The following OTOF variants were observed in gnomAD, a reference collection of about 807,000 sequenced individuals.
OTOF encodes otoferlin.
Under a neutral mutation model 236.8 loss-of-function variants are expected in OTOF, and 218 were observed. The ratio of observed to expected loss-of-function variants is 0.92; its 90% CI spans 0.82 to 1.03. OTOF has a LOEUF of 1.03. Among genes scored for constraint, OTOF ranks in the 50% least tolerant of loss-of-function variants. OTOF has a pLI of 0.00. For missense variants in OTOF, 2,590 were observed against 2,694.4 expected (o/e 0.96, Z 0.86); for synonymous variants, 1,041 against 1,072.5 (o/e 0.97, Z 0.57).
At chr2:26,548,617 G>T (rs905814493) in intron 1 of OTOF, among the ~76,000 whole-genome samples, 1 of 152,158 alleles carries the variant, frequency 6.6e-6, no homozygotes, top group Non-Finnish European at 1.5e-5. Context: ...ATACAACAGT[G>T]GTCCCATAAG....
chr2:26,463,430 G>C, intron 41 of OTOF, 53 bp downstream of exon 41: 1 of 1,424,550 alleles, frequency 7.0e-7, no homozygotes. Flanking sequence ...GCCGTGGTGG[G>C]AAGTGGGTGG....
At chr2:26,519,158 G>A (rs1483497860) in intron 3 of OTOF, 49 bp from the exon 4 acceptor site, 1 of 1,248,848 alleles carries the variant, frequency 8.0e-7, no homozygotes, top group Admixed American at 1.9e-5. Flanking sequence ...AGACCAGGGT[G>A]AGGAGCAAGA....
intron 5 of OTOF, among the ~76,000 whole-genome samples, chr2:26,512,542 G>A (rs915684557): frequency 3.0e-4 from 46 of 152,326 alleles, no homozygotes; most frequent in African/African-American, 1.1e-3. Flanking sequence ...AGAGTGGAGC[G>A]CCCATGAGGT....
At chr2:26,497,301 A>G (rs1423076150) in intron 8 of OTOF, among the ~76,000 whole-genome samples, 1 of 151,974 alleles carries the variant, frequency 6.6e-6, no homozygotes, top group Non-Finnish European at 1.5e-5. Flanking sequence ...AGGTTTCACC[A>G]TGTTGGCCGG....
intron 34 of OTOF, 31 bp from the exon 35 acceptor site, chr2:26,467,264 T>C (rs752130756): frequency 3.0e-5 from 48 of 1,613,946 alleles, no homozygotes; most frequent in Non-Finnish European, 3.7e-5. Context: ...AGGGGGCGGC[T>C]GCCTGGTCTC....
chr2:26,537,930 G>A (rs1188623343), intron 1 of OTOF, among the ~76,000 whole-genome samples, 156 bp from the exon 2 acceptor site: 1 of 152,204 alleles, frequency 6.6e-6, no homozygotes, highest in Non-Finnish European at 1.5e-5. Context: ...GGTGAGGCCA[G>A]TCCCCATGCG....
chr2:26,541,227 G>A (rs1461455042), intron 1 of OTOF, among the ~76,000 whole-genome samples: 6 of 152,142 alleles, frequency 3.9e-5, no homozygotes, highest in South Asian at 2.1e-4. Flanking sequence ...AGGAAACACC[G>A]AGGATCAAAC....
intron 1 of OTOF, among the ~76,000 whole-genome samples, chr2:26,541,887 A>C (rs1039645607): frequency 2.0e-5 from 3 of 152,202 alleles, no homozygotes; most frequent in African/African-American, 7.2e-5. Flanking sequence ...GGGGAAATAG[A>C]ACAGCATCCT....
At chr2:26,480,181 C>T (rs762490517) in intron 16 of OTOF, 22 bp downstream of exon 16, 3 of 1,457,212 alleles carry the variant, frequency 2.1e-6, no homozygotes, top group South Asian at 2.3e-5. Flanking sequence ...AGGCCCGAAG[C>T]CCCCGTGGGC....
rs778803978 is a variant in OTOF, at chr2:26,464,906, G to T, written c.4923C>A (p.Arg1641=). Residue 1641 remains arginine (R), a synonymous_variant, in exon 39 of 47, where the codon CGC becomes CGA. Transcript: ENST00000272371. ...GPPGRVKVAN[R]VFTGPSEIED... ...CAATCTCAGAGGGCCCAGTGAAGAC[G>T]CGGTTGGCCACCTTCACTCTCCCAG... The T allele has an allele frequency of 6.3e-7, 1 of 1,597,954 alleles. No homozygotes were observed. The highest frequency in any genetic ancestry group is 1.4e-5 in the African/African-American group (1 of 73,774).
intron 5 of OTOF, among the ~76,000 whole-genome samples, chr2:26,505,181 T>C (rs558599603): frequency 2.6e-5 from 4 of 152,270 alleles, no homozygotes; most frequent in African/African-American, 9.6e-5. Context: ...GAGGGAGCAA[T>C]TGAGAATCAC....
intron 11 of OTOF, 101 bp downstream of exon 11, chr2:26,489,110 G>C (rs1355173549): frequency 2.0e-5 from 17 of 851,434 alleles, no homozygotes; most frequent in Non-Finnish European, 3.3e-5. Context: ...TGTGGTCCTT[G>C]CCAGCCTTTT....
At chr2:26,540,623 A>G (rs999241632) in intron 1 of OTOF, among the ~76,000 whole-genome samples, 3 of 152,082 alleles carry the variant, frequency 2.0e-5, no homozygotes, top group Non-Finnish European at 4.4e-5. Context: ...GTCCTAGTTC[A>G]ATGCAGAGCT....
rs1664437182 is a variant in OTOF at position 26,460,970 on chromosome 2, G to C, written c.5594C>G (p.Thr1865Ser). Residue 1865 changes from threonine to serine, a missense_variant, in exon 44 of 47, where the codon ACC becomes AGC. By Grantham distance (58) the Thr-to-Ser change is moderately conservative. Transcript: ENST00000272371. The surrounding 1 kb of genome is among the most constrained non-coding windows in gnomAD (Gnocchi z 5.3). ...CACCTCCCCGGTGGCCATCTCCATGGTGCACTGCTTGGCTGTCTTTGCGCC... is the reference window on the plus strand; with the variant it reads ...CACCTCCCCGGTGGCCATCTCCATGCTGCACTGCTTGGCTGTCTTTGCGCC... ...PRGAKTAKQC[T>S]MEMATGEVDV... 6.2e-7 allele frequency: 1 copy of C among 1,613,938 alleles called. No individual in the cohort carries two copies. Among genetic ancestry groups the C allele is most frequent in the Non-Finnish European group, 8.5e-7 (1 of 1,179,970 alleles).
intron 26 of OTOF, 102 bp from the exon 27 acceptor site, chr2:26,474,212 T>C (rs926927078): frequency 2.0e-6 from 3 of 1,495,950 alleles, no homozygotes; most frequent in Non-Finnish European, 2.8e-6. Flanking sequence ...GGAAACCCCC[T>C]AAGGACCACG....
At chr2:26,557,367 G>A (rs553331403) in intron 1 of OTOF, among the ~76,000 whole-genome samples, 41 of 152,196 alleles carry the variant, frequency 2.7e-4, no homozygotes, top group Non-Finnish European at 4.6e-4. Context: ...CTAGTGAGAA[G>A]TACCCCCAAC....
chr2:26,528,048 C>A, intron 2 of OTOF, 128 bp from the exon 3 acceptor site: 1 of 730,352 alleles, frequency 1.4e-6, no homozygotes, highest in East Asian at 2.6e-5. Context: ...CAGTGCTCCC[C>A]AGGGACAAAG....
At position 26,470,677 on chromosome 2, in the gene OTOF, C is replaced by T. The variant is rs149566576; in HGVS notation, c.3939G>A (p.Ala1313=). Residue 1313 remains alanine (A), a synonymous_variant, in exon 32 of 47, where the codon GCG becomes GCA. Transcript: ENST00000272371. The surrounding 1 kb of genome is among the most constrained non-coding windows in gnomAD (Gnocchi z 4.3). ...KEKKKKKKGT[A]EEPEEEEPDE... Reference sequence around the variant, plus strand: ...CTGGCTCCTCCTCCTCTGGCTCCTCCGCAGTGCCCTTCTTCTTCTTCTTCT... The same window carrying T: ...CTGGCTCCTCCTCCTCTGGCTCCTCTGCAGTGCCCTTCTTCTTCTTCTTCT... 8.1e-5 allele frequency: 130 copies of T among 1,613,806 alleles called. 2 individuals are homozygous for T. The African/African-American group carries it at 1.1e-3, about 13-fold the overall frequency.
intron 3 of OTOF, among the ~76,000 whole-genome samples, chr2:26,524,949 G>C (rs920872291): frequency 6.6e-6 from 1 of 152,166 alleles, no homozygotes; most frequent in Non-Finnish European, 1.5e-5. Flanking sequence ...TGCCCTCCCT[G>C]GTGCTTGACT....
Sources: allele counts gnomAD v4.1 joint callset (sites outside exome capture counted in the v4.1 genomes callset), GRCh38; gene constraint gnomAD v4.1.1; non-coding constraint Gnocchi (gnomAD v3.1); transcripts MANE v1.5; gene names NCBI Gene and HGNC (gene_info 2026-07-23, HGNC 2026-07-21).